Variants in ZNF180 observed in about 807,000 individuals in gnomAD.
ZNF180 encodes the protein zinc finger protein 180 (HHZ168).
ZNF180 carries 11 observed loss-of-function variants against 11.8 expected under a neutral mutation model. The ratio of observed to expected loss-of-function variants is 0.93; its 90% CI spans 0.59 to 1.55. The LOEUF is 1.55. Among genes scored for constraint, ZNF180 ranks in the 40% most tolerant of loss-of-function variants. The pLI is 0.00. For synonymous variants in ZNF180, 287 were observed against 257.7 expected (o/e 1.11, Z -1.09); for missense variants, 773 against 781.7 (o/e 0.99, Z 0.13).
At position 44,500,382 on chromosome 19, in the gene ZNF180, C is replaced by G; in HGVS notation, c.-151G>C. On this transcript the variant is annotated 5_prime_UTR_variant, in exon 1 of 5. Coordinates refer to ENST00000592529, the MANE Select transcript of ZNF180 (RefSeq NM_001278509.3). ...GGTTAGGCAACCCCCTGCCCCGATT[C>G]TGCAACACGGCCGACTCGGGTTAAG... The G allele has an allele frequency of 2.0e-6, 2 of 1,020,484 alleles. No homozygotes were observed. The highest frequency in any genetic ancestry group is 3.0e-6 in the Non-Finnish European group (2 of 670,060). The allele number at this position is 1,020,484 out of a possible 1,614,324, so 63.2% of individuals were successfully genotyped here. A position where few individuals can be genotyped will look rare whatever the true frequency, so the allele number is the denominator to read the frequency against.
chr19:44,476,735 A>G lies in ZNF180; in HGVS notation c.1665T>C (p.Cys555=). 1 of 1,614,172 alleles carries G rather than the reference A, an allele frequency of 6.2e-7. No individual in the cohort carries two copies. The part of the protein sequence containing the change: ...TGEKPYECNQ[C]GKSFSQSYVL... ...CATAACTCTGGCTGAAGGATTTCCCACACTGATTACATTCATACGGTTTTT... is the reference window on the plus strand; with the variant it reads ...CATAACTCTGGCTGAAGGATTTCCCGCACTGATTACATTCATACGGTTTTT... The change falls in exon 5 of 5, where the codon TGT becomes TGC. Residue 555 remains cysteine, a synonymous_variant. Transcript: ENST00000592529.
At chr19:44,485,776 T>C (rs1377181880) in intron 2 of ZNF180, among the ~76,000 whole-genome samples, 1 of 152,196 alleles carries the variant, frequency 6.6e-6, no homozygotes, top group African/African-American at 2.4e-5. Flanking sequence ...CCTGGTAATA[T>C]CATATATAAT....
intron 2 of ZNF180, among the ~76,000 whole-genome samples, chr19:44,489,836 A>T (rs1970380809): frequency 2.7e-5 from 1 of 36,398 alleles, no homozygotes; most frequent in Non-Finnish European, 7.4e-5. Context: ...AAAGAAAAGA[A>T]GAGAAGAGAT....
chr19:44,488,414 G>A (rs1341400626), intron 2 of ZNF180, among the ~76,000 whole-genome samples: 4 of 152,146 alleles, frequency 2.6e-5, no homozygotes, highest in South Asian at 2.1e-4. Flanking sequence ...GCAGGCGTGC[G>A]CCGCCACGCC....
At position 44,475,835 on chromosome 19, in the gene ZNF180, C is replaced by G. The variant is rs1039466317; in HGVS notation, c.*567G>C. 6.6e-6 allele frequency: 1 copy of G among 152,212 alleles called. No homozygotes were observed. Among genetic ancestry groups the G allele is most frequent in the Non-Finnish European group, 1.5e-5 (1 of 68,052 alleles). 9.4% of individuals were successfully genotyped at this position (152,212 alleles called of 1,614,324 possible). On this transcript the variant is annotated 3_prime_UTR_variant, in exon 5 of 5. Transcript: ENST00000592529. ...ATTATTTCTATATTCTTTTCCCACACTTTTCACTATATATCATAGACACTT... is the reference window on the plus strand; with the variant it reads ...ATTATTTCTATATTCTTTTCCCACAGTTTTCACTATATATCATAGACACTT...
rs775409043 is a variant in ZNF180 at position 44,476,859 on chromosome 19, C to T, written c.1541G>A (p.Arg514Lys). The change falls in exon 5 of 5, where the codon AGA becomes AAA. Residue 514 changes from arginine (R) to lysine (K), a missense_variant. Arg to Lys is a conservative substitution (Grantham distance 26, BLOSUM62 2). Transcript: ENST00000592529. Reference protein sequence around the residue: ...SWSSQLVAHQRTHTGEKPYEC... With the variant: ...SWSSQLVAHQKTHTGEKPYEC... Reference sequence around the variant, plus strand: ...ATACGGTTTCTCTCCAGTGTGAGTTCTTTGATGTGCAACAAGCTGAGAGCT... The same window carrying T: ...ATACGGTTTCTCTCCAGTGTGAGTTTTTTGATGTGCAACAAGCTGAGAGCT... 10 of 1,614,178 alleles carry T rather than the reference C, an allele frequency of 6.2e-6. No homozygotes were observed. In the South Asian group the frequency reaches 9.9e-5, roughly 16 times the overall value.
At chr19:44,486,943 C>T (rs1970245388) in intron 2 of ZNF180, among the ~76,000 whole-genome samples, 1 of 152,090 alleles carries the variant, frequency 6.6e-6, no homozygotes, top group African/African-American at 2.4e-5. Context: ...ACTTGGGAGG[C>T]TAAGGCATGA....
Position 44,492,876 on chromosome 19 carries a change from T to G in ZNF180, c.51+4408A>C, listed in dbSNP as rs577562376. 1.4e-4 allele frequency among the ~76,000 whole-genome samples: 22 copies of G among 152,306 alleles called. No homozygotes were observed. The East Asian group carries it at 3.3e-3, about 23-fold the overall frequency. On this transcript the variant is annotated intron_variant, in intron 2 of 4. Transcript: ENST00000592529. ...TTCTTGGTGTGTTTCCATCTCTTCC[T>G]GCCCTGGGAGCTGGAAGGTGGAGCT...
In ZNF180 at chr19:44,484,450, C is replaced by T. The variant is rs200699015; in HGVS notation, c.52-15G>A. On this transcript the variant is annotated splice_polypyrimidine_tract_variant and intron_variant, in intron 2 of 4. Coordinates refer to ENST00000592529, the MANE Select transcript of ZNF180 (RefSeq NM_001278509.3). ...AGGAAAGAATCCTGAAAAGGCAAAA[C>T]AGATGAGAAAAAGGAAAATAATCAG... 23 of 1,603,918 alleles carry T rather than the reference C, an allele frequency of 1.4e-5. No individual in the cohort carries two copies. Among genetic ancestry groups the T allele is most frequent in the Non-Finnish European group, 1.9e-5 (22 of 1,170,730 alleles).
Position 44,476,505 on chromosome 19 carries a change from T to C in ZNF180, c.1895A>G (p.Lys632Arg). 6.2e-7 allele frequency: 1 copy of C among 1,614,156 alleles called. No homozygotes were observed. The highest frequency in any genetic ancestry group is 8.5e-7 in the Non-Finnish European group (1 of 1,179,998). ...IVHQRTHTGE[K>R]PFTCIQCGKA... ...TCCACACTGAATACATGTAAAGGGTTTCTCTCCAGTATGAGTTCTTTGATG... is the reference window on the plus strand; with the variant it reads ...TCCACACTGAATACATGTAAAGGGTCTCTCTCCAGTATGAGTTCTTTGATG... The change falls in exon 5 of 5, where the codon AAA becomes AGA. Residue 632 changes from lysine (K) to arginine (R), a missense_variant. By Grantham distance (26) the Lys-to-Arg change is conservative. Coordinates refer to ENST00000592529, the MANE Select transcript of ZNF180 (RefSeq NM_001278509.3).
Position 44,477,806 on chromosome 19 carries a change from T to C in ZNF180, c.594A>G (p.Lys198=). ...NHFHKHVSHA[K]KWHLNAAVNS... ...TTACAGCAGCATTAAGATGCCATTT[T>C]TTAGCATGTGATACATGTTTATGAA... Residue 198 remains lysine (K), a synonymous_variant, in exon 5 of 5, where the codon AAA becomes AAG. Coordinates refer to ENST00000592529, the MANE Select transcript of ZNF180 (RefSeq NM_001278509.3). 1 of 1,614,018 alleles carries C rather than the reference T, an allele frequency of 6.2e-7. No individual in the cohort carries two copies. Among genetic ancestry groups the C allele is most frequent in the Non-Finnish European group, 8.5e-7 (1 of 1,179,984 alleles).
At chr19:44,489,404 T>C (rs1970364473) in intron 2 of ZNF180, among the ~76,000 whole-genome samples, 1 of 142,744 alleles carries the variant, frequency 7.0e-6, no homozygotes, top group Non-Finnish European at 1.5e-5. Flanking sequence ...AGAAAAATTC[T>C]TCTGCCTTGG....
chr19:44,489,967 AAAAG>A (rs140750985), intron 2 of ZNF180, among the ~76,000 whole-genome samples: 5,938 of 144,462 alleles, frequency 0.041, 359 homozygotes, highest in African/African-American at 0.12. Flanking sequence ...AGAAAGAAAG[AAAAG>A]AAAGAAAGAA....
At chr19:44,484,291 C>CCTCACTTTCTA (rs1374700356) in intron 3 of ZNF180, 70 bp downstream of exon 3, 44 of 1,323,844 alleles carry the variant, frequency 3.3e-5, no homozygotes, top group Non-Finnish European at 1.1e-5. Flanking sequence ...CGGCCTATTT[C>CCTCACTTTCTA]CTCACTTTCT....
At chr19:44,491,873 T>C (rs1970458938) in intron 2 of ZNF180, among the ~76,000 whole-genome samples, 1 of 152,206 alleles carries the variant, frequency 6.6e-6, no homozygotes. Flanking sequence ...CCACTTTACC[T>C]GGCCTAAACT....
chr19:44,489,072 CCCGG>C (rs1600087215), intron 2 of ZNF180, among the ~76,000 whole-genome samples: 2 of 131,330 alleles, frequency 1.5e-5, no homozygotes, highest in East Asian at 4.6e-4. Context: ...TCAGCCCCCG[CCCGG>C]CCAGCCGCCC....
chr19:44,479,225 T>C (rs1486450765), intron 4 of ZNF180, 58 bp downstream of exon 4: 37 of 1,583,860 alleles, frequency 2.3e-5, no homozygotes, highest in Non-Finnish European at 3.1e-5. Context: ...TCTTAATCGA[T>C]CAGAATGTGA....
At chr19:44,490,573 A>G (rs1163067716) in intron 2 of ZNF180, among the ~76,000 whole-genome samples, 1 of 152,212 alleles carries the variant, frequency 6.6e-6, no homozygotes, top group Non-Finnish European at 1.5e-5. Flanking sequence ...GTTACTCAAG[A>G]AAGGAAAATT....
intron 2 of ZNF180, among the ~76,000 whole-genome samples, chr19:44,491,621 A>G (rs772640078): frequency 6.6e-5 from 10 of 152,204 alleles, no homozygotes; most frequent in Non-Finnish European, 1.3e-4. Context: ...CCTAAGCTGG[A>G]GTGCAGTGGC....
Sources: gnomAD v4.1 joint callset for allele counts (sites outside exome capture counted in the v4.1 genomes callset) on GRCh38, gnomAD v4.1.1 for gene constraint, MANE v1.5 for transcripts, NCBI Gene and HGNC (gene_info 2026-07-23, HGNC 2026-07-21) for gene names.